The following SEPTIN7 variants were observed in gnomAD, a reference collection of about 807,000 sequenced individuals.
SEPTIN7 encodes septin 7, also known as septin-7.
In SEPTIN7, 10 loss-of-function variants were observed where a neutral mutation model predicts 63.3. The ratio of observed to expected loss-of-function variants is 0.16; its 90% confidence interval spans 0.10 to 0.27. SEPTIN7 has a LOEUF of 0.27. SEPTIN7 is among the 10% of genes least tolerant of loss of function. The pLI is 1.00. For missense variants in SEPTIN7, 310 were observed against 521.0 expected (o/e 0.59, Z 3.94); for synonymous variants, 131 against 165.3 (o/e 0.79, Z 1.59).
At chr7:35,858,692 T>TC (rs1785342628) in intron 3 of SEPTIN7, among the ~76,000 whole-genome samples, 1 of 149,608 alleles carries the variant, frequency 6.7e-6, no homozygotes, top group Non-Finnish European at 1.5e-5. Flanking sequence ...TTTTTTTTTT[T>TC]TTTTTGAGAC....
chr7:35,824,011 T>A (rs747761216), intron 1 of SEPTIN7, among the ~76,000 whole-genome samples: 5 of 146,800 alleles, frequency 3.4e-5, no homozygotes, highest in African/African-American at 5.0e-5. Flanking sequence ...CCATCTGCCT[T>A]TTTTTTTTTT....
intron 4 of SEPTIN7, among the ~76,000 whole-genome samples, chr7:35,864,354 C>G (rs551273546): frequency 1.3e-5 from 2 of 152,178 alleles, no homozygotes; most frequent in Non-Finnish European, 2.9e-5. Flanking sequence ...CTAACAAGAT[C>G]ACAGGTGATG....
At chr7:35,838,332 C>T (rs1784218238) in intron 3 of SEPTIN7, among the ~76,000 whole-genome samples, 1 of 3,822 alleles carries the variant, frequency 2.6e-4, no homozygotes. Flanking sequence ...CTCCCTCCCT[C>T]CCTCCCTCCC....
intron 3 of SEPTIN7, among the ~76,000 whole-genome samples, chr7:35,855,038 A>G (rs1785136347): frequency 6.6e-6 from 1 of 152,144 alleles, no homozygotes; most frequent in Non-Finnish European, 1.5e-5. Context: ...TCTCACCTGC[A>G]TTTCCAGTCC....
intron 11 of SEPTIN7, among the ~76,000 whole-genome samples, chr7:35,894,912 T>C (rs190774860): frequency 1.3e-5 from 2 of 152,332 alleles, no homozygotes; most frequent in East Asian, 3.9e-4. Flanking sequence ...AATTCTCTTA[T>C]TGGTCACATG....
At chr7:35,801,439 C>A (rs1336511270) in intron 1 of SEPTIN7, among the ~76,000 whole-genome samples, 169 bp downstream of exon 1, 1 of 148,328 alleles carries the variant, frequency 6.7e-6, no homozygotes, top group Non-Finnish European at 1.5e-5. Context: ...GCGGCGGGCT[C>A]GGGGGGAGGG....
intron 1 of SEPTIN7, among the ~76,000 whole-genome samples, chr7:35,813,362 T>A (rs1159019159): frequency 2.8e-5 from 4 of 144,950 alleles, no homozygotes; most frequent in Non-Finnish European, 6.1e-5. Flanking sequence ...TCAGTATTCC[T>A]TTTTTTTTTT....
At chr7:35,846,263 A>G (rs144800553) in intron 3 of SEPTIN7, among the ~76,000 whole-genome samples, 3 of 152,318 alleles carry the variant, frequency 2.0e-5, no homozygotes, top group African/African-American at 7.2e-5. Context: ...TAGGTGTATC[A>G]TAATACGCTT....
intron 11 of SEPTIN7, among the ~76,000 whole-genome samples, chr7:35,895,604 ATTAGCT>A (rs1420754324): frequency 6.6e-6 from 1 of 152,198 alleles, no homozygotes; most frequent in Non-Finnish European, 1.5e-5. Flanking sequence ...TGGGAAATAA[ATTAGCT>A]TTAGCGAATT....
At chr7:35,913,907 C>T in the SEPTIN7 span, among the ~76,000 whole-genome samples, 3 of 152,044 alleles carry the variant, frequency 2.0e-5, no homozygotes, top group Non-Finnish European at 2.9e-5. Context: ...GAATATTGAC[C>T]GCCATTTTAA....
intron 4 of SEPTIN7, among the ~76,000 whole-genome samples, chr7:35,871,369 C>T (rs776817464): frequency 2.0e-5 from 3 of 152,092 alleles, no homozygotes; most frequent in Non-Finnish European, 4.4e-5. Context: ...AGTCACTAGC[C>T]ATATGTGGCT....
intron 1 of SEPTIN7, among the ~76,000 whole-genome samples, chr7:35,830,146 G>A (rs1179598025): frequency 6.6e-6 from 1 of 151,452 alleles, no homozygotes; most frequent in Non-Finnish European, 1.5e-5. Flanking sequence ...TCGCGCCACT[G>A]CCCCCCAGCC....
At chr7:35,870,082 A>G (rs1786052674) in intron 4 of SEPTIN7, among the ~76,000 whole-genome samples, 2 of 152,210 alleles carry the variant, frequency 1.3e-5, no homozygotes, top group African/African-American at 4.8e-5. Context: ...ATACAGTCGG[A>G]TCCTGTGAAT....
the SEPTIN7 span, among the ~76,000 whole-genome samples, chr7:35,915,274 CA>C: frequency 6.6e-6 from 1 of 151,944 alleles, no homozygotes; most frequent in Non-Finnish European, 1.5e-5. Flanking sequence ...TATATATACA[CA>C]CACACATGCA....
the SEPTIN7 span, among the ~76,000 whole-genome samples, chr7:35,915,069 A>G: frequency 1.3e-5 from 2 of 151,764 alleles, no homozygotes. Flanking sequence ...ACACAGATGC[A>G]TGCATGTACA....
At chr7:35,912,991 G>A in the SEPTIN7 span, among the ~76,000 whole-genome samples, 2 of 152,120 alleles carry the variant, frequency 1.3e-5, no homozygotes, top group Non-Finnish European at 2.9e-5. Flanking sequence ...TGATATGAAA[G>A]TCCACCATCA....
chr7:35,811,276 G>T (rs946635950), intron 1 of SEPTIN7, among the ~76,000 whole-genome samples: 2 of 151,778 alleles, frequency 1.3e-5, no homozygotes, highest in Admixed American at 6.6e-5. Context: ...GGTATGAGGC[G>T]ATCTATACAA....
chr7:35,842,666 G>T (rs1379116551), intron 3 of SEPTIN7, among the ~76,000 whole-genome samples: 2 of 152,176 alleles, frequency 1.3e-5, no homozygotes, highest in East Asian at 3.8e-4. Flanking sequence ...TATATAATTA[G>T]AAGTGTACGT....
Position 35,890,682 on chromosome 7 carries a change from A to G in SEPTIN7, c.887A>G (p.Asp296Gly). Residue 296 changes from aspartate to glycine, a missense_variant, in exon 11 of 14, where the codon GAC (aspartate) becomes GGC (glycine). Around this residue, in one of 2 missense-constraint regions of SEPTIN7, gnomAD observed 255 missense variants for 490.5 expected, o/e 0.52. Transcript: ENST00000350320. ...GTTTATGACAGAACACACATGCAGG[A>G]CTTGAAAGATGTTACTAATAATGTC... ...RNMLIRTHMQDLKDVTNNVHY... is the reference protein window; with the variant it reads ...RNMLIRTHMQGLKDVTNNVHY... The G allele has an allele frequency of 6.4e-7, 1 of 1,573,518 alleles. No homozygotes were observed. Among genetic ancestry groups the G allele is most frequent in the Non-Finnish European group, 8.6e-7 (1 of 1,163,290 alleles).
Sources: allele counts gnomAD v4.1 joint callset (sites outside exome capture counted in the v4.1 genomes callset), GRCh38; gene constraint gnomAD v4.1.1; regional missense constraint gnomAD v4.1.1; transcripts MANE v1.5; gene names NCBI Gene and HGNC (gene_info 2026-07-23, HGNC 2026-07-21).